The following AUTS2 variants were observed in gnomAD, a reference collection of about 807,000 sequenced individuals.
The protein encoded by AUTS2 is activator of transcription and developmental regulator AUTS2.
AUTS2 carries 17 observed loss-of-function variants against 112.4 expected under a neutral mutation model. The ratio of observed to expected loss-of-function variants is 0.15; its 90% CI spans 0.10 to 0.23. The LOEUF is 0.23. AUTS2 is among the 10% of genes least tolerant of loss of function. AUTS2 has a pLI of 1.00. For synonymous variants in AUTS2, 751 were observed against 702.7 expected, an observed-to-expected ratio of 1.07 and a Z score of -1.09; for missense variants, 1,510 against 1,701.6, an observed-to-expected ratio of 0.89 and a Z score of 1.98.
At chr7:70,281,060 A>C (rs962741432) in intron 4 of AUTS2, among the ~76,000 whole-genome samples, 3 of 152,044 alleles carry the variant, frequency 2.0e-5, no homozygotes, top group East Asian at 3.9e-4. Flanking sequence ...GGAAAGTGAT[A>C]ATGAATGAAT....
intron 4 of AUTS2, among the ~76,000 whole-genome samples, chr7:70,381,745 C>G (rs1436683353): frequency 6.6e-6 from 1 of 152,084 alleles, no homozygotes; most frequent in Non-Finnish European, 1.5e-5. Flanking sequence ...AAGCTTAAAG[C>G]TCCTTCTCCT....
chr7:70,039,745 C>T (rs16869152), intron 2 of AUTS2, among the ~76,000 whole-genome samples: 4,857 of 152,164 alleles, frequency 0.032, 274 homozygotes, highest in African/African-American at 0.11. Context: ...GGTTTAAAAA[C>T]GTTCAAATTA....
intron 4 of AUTS2, among the ~76,000 whole-genome samples, chr7:70,255,807 C>G (rs1349415464): frequency 6.6e-6 from 1 of 152,086 alleles, no homozygotes; most frequent in Admixed American, 6.5e-5. Flanking sequence ...GTTGTTAAAA[C>G]TAAAAATGTA....
chr7:70,178,538 G>A (rs2129580279), intron 4 of AUTS2, among the ~76,000 whole-genome samples: 1 of 152,226 alleles, frequency 6.6e-6, no homozygotes, highest in South Asian at 2.1e-4. Flanking sequence ...AGTGGCTCAT[G>A]CCTGTAATCC....
chr7:70,471,057 TAG>T (rs1797362483), intron 5 of AUTS2, among the ~76,000 whole-genome samples: 1 of 152,176 alleles, frequency 6.6e-6, no homozygotes, highest in Admixed American at 6.5e-5. Context: ...CTGGGACAGT[TAG>T]AGTTATGCAG....
chr7:69,644,596 T>G (rs966960863), intron 1 of AUTS2, among the ~76,000 whole-genome samples: 1 of 152,160 alleles, frequency 6.6e-6, no homozygotes, highest in African/African-American at 2.4e-5. Flanking sequence ...CCTAGTTTTC[T>G]ACATTTCTGA....
chr7:70,666,650 A>G (rs1188259713), intron 5 of AUTS2, among the ~76,000 whole-genome samples: 1 of 150,590 alleles, frequency 6.6e-6, no homozygotes, highest in Non-Finnish European at 1.5e-5. Context: ...TTTTCCCACC[A>G]CATTTTTTTT....
intron 2 of AUTS2, among the ~76,000 whole-genome samples, chr7:70,060,255 TAAAG>T (rs1230790411): frequency 2.6e-5 from 4 of 152,190 alleles, no homozygotes; most frequent in African/African-American, 4.8e-5. Context: ...AAATTTCACT[TAAAG>T]AAATGCTAGA....
At chr7:70,178,208 A>C (rs974047272) in intron 4 of AUTS2, among the ~76,000 whole-genome samples, 4 of 152,148 alleles carry the variant, frequency 2.6e-5, no homozygotes, top group Admixed American at 2.6e-4. Flanking sequence ...GTGAAGAGTG[A>C]ATGTCCCTGT....
chr7:70,135,302 A>T (rs146499576), intron 4 of AUTS2, among the ~76,000 whole-genome samples: 208 of 152,264 alleles, frequency 1.4e-3, no homozygotes, highest in African/African-American at 4.5e-3. Context: ...ATACAAATGA[A>T]AAAGAGTGAC....
At chr7:69,795,664 C>G (rs923900257) in intron 1 of AUTS2, among the ~76,000 whole-genome samples, 1 of 152,124 alleles carries the variant, frequency 6.6e-6, no homozygotes, top group Non-Finnish European at 1.5e-5. Flanking sequence ...CAGTTGGATG[C>G]GAAAGGTTTG....
chr7:70,176,086 A>T (rs980784257), intron 4 of AUTS2, among the ~76,000 whole-genome samples: 2 of 152,180 alleles, frequency 1.3e-5, no homozygotes, highest in African/African-American at 4.8e-5. Context: ...TCCATGTATT[A>T]CTTCAACAGG....
intron 5 of AUTS2, among the ~76,000 whole-genome samples, chr7:70,534,610 G>C (rs1800235297): frequency 6.6e-6 from 1 of 152,170 alleles, no homozygotes; most frequent in East Asian, 1.9e-4. Context: ...ATTTTTAGTA[G>C]AGAAGGGGTT....
At chr7:69,761,740 G>A (rs558470295) in intron 1 of AUTS2, among the ~76,000 whole-genome samples, 1 of 152,270 alleles carries the variant, frequency 6.6e-6, no homozygotes, top group Admixed American at 6.5e-5. Flanking sequence ...GGCTGGGTAA[G>A]CTAATAACTG....
intron 4 of AUTS2, among the ~76,000 whole-genome samples, chr7:70,334,892 G>A (rs1182648301): frequency 6.6e-6 from 1 of 152,104 alleles, no homozygotes; most frequent in East Asian, 1.9e-4. Flanking sequence ...CTGCTAACCA[G>A]CCAACAGCTA....
intron 3 of AUTS2, among the ~76,000 whole-genome samples, chr7:70,120,645 G>A (rs942498251): frequency 6.6e-6 from 1 of 151,968 alleles, no homozygotes; most frequent in Non-Finnish European, 1.5e-5. Context: ...TAGTTTAGGG[G>A]ACTAGAGCTG....
intron 5 of AUTS2, among the ~76,000 whole-genome samples, chr7:70,449,962 G>T (rs1473008975): frequency 2.6e-5 from 4 of 152,174 alleles, no homozygotes. Context: ...ATGTCAATTA[G>T]TAAATTACAT....
intron 1 of AUTS2, among the ~76,000 whole-genome samples, chr7:69,650,249 C>T (rs1795231999): frequency 6.6e-6 from 1 of 152,172 alleles, no homozygotes; most frequent in Admixed American, 6.5e-5. Context: ...AGGTTAAGAG[C>T]TTGGGAAAGA....
At position 70,366,692 on chromosome 7, in the gene AUTS2, G is replaced by A. The variant is rs900647974; in HGVS notation, c.661-69060G>A. 2.0e-5 allele frequency among the ~76,000 whole-genome samples: 3 copies of A among 152,184 alleles called. No homozygotes were observed. The East Asian group carries it at 5.8e-4, about 29-fold the overall frequency. On this transcript the variant is annotated intron_variant, in intron 4 of 18. Coordinates refer to ENST00000342771, the MANE Select transcript of AUTS2 (RefSeq NM_015570.4). ...CTAGGGCAGCAGTAGTGACATTTGAGAAGAAGGAATGTTCCAAAGGTATTT... is the reference window on the plus strand; with the variant it reads ...CTAGGGCAGCAGTAGTGACATTTGAAAAGAAGGAATGTTCCAAAGGTATTT...
Sources: allele counts gnomAD v4.1 joint callset (sites outside exome capture counted in the v4.1 genomes callset), GRCh38; gene constraint gnomAD v4.1.1; transcripts MANE v1.5; gene names NCBI Gene and HGNC (gene_info 2026-07-23, HGNC 2026-07-21).